Variants in B3GALNT2 observed in about 807,000 individuals in gnomAD.
B3GALNT2 encodes the protein beta-1,3-N-acetylgalactosaminyltransferase 2.
In B3GALNT2, 53 loss-of-function variants were observed where a neutral mutation model predicts 61.1. That is an observed-to-expected ratio of 0.87 (90% CI 0.70 to 1.09). The LOEUF is 1.09. B3GALNT2 is among the 50% of genes least tolerant of loss of function. The pLI is 0.00. For synonymous variants in B3GALNT2, 223 were observed against 237.4 expected (o/e 0.94, Z 0.56); for missense variants, 544 against 623.0 (o/e 0.87, Z 1.35).
chr1:235,484,301 C>T lies in B3GALNT2; in HGVS notation c.555+21G>A, dbSNP rs748171983. The T allele has an allele frequency of 5.1e-6, 8 of 1,556,170 alleles. No homozygotes were observed. The African/African-American group carries it at 1.1e-4, about 22-fold the overall frequency. On this transcript the variant is annotated intron_variant, in intron 4 of 11. Coordinates refer to ENST00000366600, the MANE Select transcript of B3GALNT2 (RefSeq NM_152490.5). ...TTTGAAAAAGAAAAAAGAGAAAAAA[C>T]CTGTACAGAGCAGTGCATACCTCTT...
downstream of B3GALNT2, among the ~76,000 whole-genome samples, chr1:235,445,205 CCTTT>C (rs1682165052): frequency 6.6e-6 from 1 of 151,790 alleles, no homozygotes; most frequent in Non-Finnish European, 1.5e-5. Flanking sequence ...CTTTTTTTCC[CCTTT>C]TTTATTTGCT....
rs546493178 is a variant in B3GALNT2 at position 235,471,969 on chromosome 1, T to A, written c.652-1009A>T. On this transcript the variant is annotated intron_variant, in intron 5 of 11. Coordinates refer to ENST00000366600, the MANE Select transcript of B3GALNT2 (RefSeq NM_152490.5). ...TGAGCCACGGCGCCCTGCCTGAATT[T>A]AAAAAAAAAAAAAAAAGATTGGCTT... Among the ~76,000 whole-genome samples the A allele has an allele frequency of 3.6e-3, 518 of 142,386 alleles. 2 individuals carry two copies. The highest frequency in any genetic ancestry group is 0.012 in the African/African-American group (480 of 38,888). The allele number at this position is 142,386 out of a possible 152,430, so 93.4% of individuals were successfully genotyped here.
At chr1:235,500,322 G>A (rs1327504223) in intron 1 of B3GALNT2, among the ~76,000 whole-genome samples, 1 of 152,100 alleles carries the variant, frequency 6.6e-6, no homozygotes, top group Non-Finnish European at 1.5e-5. Context: ...GCAAAACGCA[G>A]TCTCTACTAA....
At chr1:235,450,491 G>T in intron 11 of B3GALNT2, 151 bp from the exon 12 acceptor site, 1 of 925,650 alleles carries the variant, frequency 1.1e-6, no homozygotes. Flanking sequence ...TGAGGTTTGG[G>T]GGTGGCACCT....
At chr1:235,481,149 G>C (rs1159424913) in intron 4 of B3GALNT2, among the ~76,000 whole-genome samples, 1 of 152,030 alleles carries the variant, frequency 6.6e-6, no homozygotes, top group African/African-American at 2.4e-5. Flanking sequence ...CCAGTTCTTA[G>C]CAATGCAGTA....
chr1:235,477,666 C>A (rs146503546), intron 5 of B3GALNT2, among the ~76,000 whole-genome samples: 2 of 152,118 alleles, frequency 1.3e-5, no homozygotes, highest in Non-Finnish European at 2.9e-5. Context: ...AGCAGAATCC[C>A]TGTCCCTTTA....
the B3GALNT2 span, among the ~76,000 whole-genome samples, chr1:235,439,992 A>G: frequency 2.7e-5 from 4 of 150,800 alleles, no homozygotes; most frequent in Admixed American, 2.6e-4. Flanking sequence ...ATTTTTTGAG[A>G]CGGAGCCTCG....
chr1:235,487,162 CA>C (rs79026091), intron 3 of B3GALNT2, among the ~76,000 whole-genome samples: 204 of 127,136 alleles, frequency 1.6e-3, no homozygotes, highest in Middle Eastern at 4.2e-3. Context: ...ACTCTGTCTC[CA>C]AAAAAAAAAA....
chr1:235,476,946 G>A lies in B3GALNT2; in HGVS notation c.651+3108C>T, dbSNP rs765903521. 2.6e-5 allele frequency among the ~76,000 whole-genome samples: 4 copies of A among 151,410 alleles called. No individual in the cohort carries two copies. In the East Asian group the frequency reaches 7.7e-4, roughly 29 times the overall value. On this transcript the variant is annotated intron_variant, in intron 5 of 11. Coordinates refer to ENST00000366600, the MANE Select transcript of B3GALNT2 (RefSeq NM_152490.5). The stretch of plus-strand genomic sequence containing the variant: ...AGGTTGAGGTAGGAGAATCATTTGA[G>A]CCCATATGGTTGAGGCTGCGGTGAG...
chr1:235,470,609 C>T (rs758688095), intron 6 of B3GALNT2, among the ~76,000 whole-genome samples: 2 of 149,864 alleles, frequency 1.3e-5, no homozygotes, highest in Non-Finnish European at 3.0e-5. Context: ...TAAAATATTG[C>T]ATTTTAAAAA....
In B3GALNT2 at chr1:235,473,378, T is replaced by C. The variant is rs920041833; in HGVS notation, c.652-2418A>G. Reference sequence around the variant, plus strand: ...TAGTGATAGAGTTTGGAAGGATTGATAGCATATATACTTAGGATAAGGAAC... The same window carrying C: ...TAGTGATAGAGTTTGGAAGGATTGACAGCATATATACTTAGGATAAGGAAC... On this transcript the variant is annotated intron_variant, in intron 5 of 11. Transcript: ENST00000366600. 2.0e-5 allele frequency among the ~76,000 whole-genome samples: 3 copies of C among 152,368 alleles called. No individual in the cohort carries two copies. The South Asian group carries it at 6.2e-4, about 32-fold the overall frequency.
chr1:235,449,753 A>G lies in B3GALNT2; in HGVS notation c.*453T>C, dbSNP rs1393996008. On this transcript the variant is annotated 3_prime_UTR_variant, in exon 12 of 12. Coordinates refer to ENST00000366600, the MANE Select transcript of B3GALNT2 (RefSeq NM_152490.5). ...ATATGTGATCACATGATCACACAGCATTCCTGTGAGTTCCTTTTTGTCTGA... is the reference window on the plus strand; with the variant it reads ...ATATGTGATCACATGATCACACAGCGTTCCTGTGAGTTCCTTTTTGTCTGA... 6.5e-6 allele frequency: 1 copy of G among 154,852 alleles called. No homozygotes were observed. Among genetic ancestry groups the G allele is most frequent in the Non-Finnish European group, 1.4e-5 (1 of 69,724 alleles). The allele number at this position is 154,852 out of a possible 1,614,324, so 9.6% of individuals were successfully genotyped here.
chr1:235,450,529 C>T (rs1253284591), intron 11 of B3GALNT2, 189 bp from the exon 12 acceptor site: 6 of 608,390 alleles, frequency 9.9e-6, no homozygotes, highest in Non-Finnish European at 1.7e-5. Context: ...CCAGGTCCCA[C>T]AGTCCTGTGG....
intron 8 of B3GALNT2, among the ~76,000 whole-genome samples, chr1:235,457,123 T>A (rs1055821306): frequency 6.6e-6 from 1 of 151,622 alleles, no homozygotes; most frequent in African/African-American, 2.4e-5. Context: ...AATAAATAAA[T>A]AAATAAATAA....
intron 1 of B3GALNT2, among the ~76,000 whole-genome samples, chr1:235,499,691 T>C (rs1385675799): frequency 6.6e-6 from 1 of 152,200 alleles, no homozygotes; most frequent in Non-Finnish European, 1.5e-5. Context: ...GTGCTTAGGT[T>C]TAACAAAGTA....
chr1:235,458,927 G>T lies in B3GALNT2; in HGVS notation c.842-141C>A, dbSNP rs1412102313. 16 of 767,708 alleles carry T rather than the reference G, an allele frequency of 2.1e-5. No individual in the cohort carries two copies. The East Asian group carries it at 2.4e-4, about 11-fold the overall frequency. The allele number at this position is 767,708 out of a possible 1,614,324, so 47.6% of individuals were successfully genotyped here. A position where few individuals can be genotyped will look rare whatever the true frequency, so the allele number is the denominator to read the frequency against. Reference sequence around the variant, plus strand: ...TGTTTGGAACTTTAGGTAGAAAAATGGGAACTCTCATACACTGCCAGTAGG... The same window carrying T: ...TGTTTGGAACTTTAGGTAGAAAAATTGGAACTCTCATACACTGCCAGTAGG... On this transcript the variant is annotated intron_variant, in intron 7 of 11. Coordinates refer to ENST00000366600, the MANE Select transcript of B3GALNT2 (RefSeq NM_152490.5).
intron 5 of B3GALNT2, among the ~76,000 whole-genome samples, chr1:235,473,594 C>CA (rs1425954667): frequency 6.6e-6 from 1 of 152,162 alleles, no homozygotes; most frequent in Non-Finnish European, 1.5e-5. Flanking sequence ...GGAGGCAACT[C>CA]AAAGCATGTC....
chr1:235,500,277 G>A (rs1386742300), intron 1 of B3GALNT2, among the ~76,000 whole-genome samples: 1 of 152,206 alleles, frequency 6.6e-6, no homozygotes, highest in Non-Finnish European at 1.5e-5. Context: ...TGAATCGCTT[G>A]AGGTCAGGAG....
intron 5 of B3GALNT2, among the ~76,000 whole-genome samples, chr1:235,476,006 G>GA (rs1447733685): frequency 6.6e-6 from 1 of 151,922 alleles, no homozygotes; most frequent in African/African-American, 2.4e-5. Flanking sequence ...TTTTTTAAAA[G>GA]AAAAAATATT....
Sources: allele counts gnomAD v4.1 joint callset (sites outside exome capture counted in the v4.1 genomes callset), GRCh38; gene constraint gnomAD v4.1.1; transcripts MANE v1.5; gene names NCBI Gene and HGNC (gene_info 2026-07-23, HGNC 2026-07-21).